Variants in SESTD1 observed in about 807,000 individuals in gnomAD.
SESTD1 encodes the protein SEC14 and spectrin domain containing 1.
In SESTD1, 43 loss-of-function variants were observed where a neutral mutation model predicts 101.7. That is an observed-to-expected ratio of 0.42 (90% confidence interval 0.33 to 0.55). The LOEUF is 0.55. Ranked by LOEUF, SESTD1 falls within the 20% of genes least tolerant of loss-of-function variation. The pLI, the probability that SESTD1 is intolerant of heterozygous loss-of-function variation, is 0.07. For synonymous variants in SESTD1, 283 were observed against 286.8 expected, an observed-to-expected ratio of 0.99 and a Z score of 0.13; for missense variants, 647 against 815.1, an observed-to-expected ratio of 0.79 and a Z score of 2.51.
chr2:179,136,185 A>ATCTT (rs1376631524), intron 9 of SESTD1, among the ~76,000 whole-genome samples: 6 of 152,322 alleles, frequency 3.9e-5, no homozygotes, highest in South Asian at 4.1e-4. Flanking sequence ...TTGGTTTCTC[A>ATCTT]TCTTTTAAAT....
chr2:179,143,132 A>C (rs1001352998), intron 9 of SESTD1, among the ~76,000 whole-genome samples: 2 of 152,140 alleles, frequency 1.3e-5, no homozygotes, highest in Non-Finnish European at 2.9e-5. Context: ...AATTCCTAAT[A>C]ACTAAATACA....
At chr2:179,247,923 T>C (rs1380186840) in intron 1 of SESTD1, among the ~76,000 whole-genome samples, 1 of 151,942 alleles carries the variant, frequency 6.6e-6, no homozygotes, top group East Asian at 1.9e-4. Flanking sequence ...TCCAAATATA[T>C]GGAACATAGC....
chr2:179,205,147 G>A lies in SESTD1; in HGVS notation c.-25-13281C>T, dbSNP rs1258404320. ...TCAGTGGAGAAAGTTGGTAGAAGCA[G>A]CAAAACTAAAATTGAGAGTTTAGTA... On this transcript the variant is annotated intron_variant, in intron 1 of 17. Transcript: ENST00000428443. Among the ~76,000 whole-genome samples, 4 of 131,896 alleles carry A rather than the reference G, an allele frequency of 3.0e-5. 1 individual carries two copies. Among genetic ancestry groups the A allele is most frequent in the African/African-American group, 6.0e-5 (2 of 33,148 alleles). 86.5% of individuals were successfully genotyped at this position (131,896 alleles called of 152,430 possible). A position where few individuals can be genotyped will look rare whatever the true frequency, so the allele number is the denominator to read the frequency against.
chr2:179,139,973 T>C (rs959356304), intron 9 of SESTD1, among the ~76,000 whole-genome samples: 2 of 152,196 alleles, frequency 1.3e-5, no homozygotes, highest in African/African-American at 4.8e-5. Context: ...CATGGTCCTA[T>C]GGTAATCCTA....
rs533800361 is a variant in SESTD1, at chr2:179,236,664, C to T, written c.-26+27835G>A. Among the ~76,000 whole-genome samples the T allele has an allele frequency of 2.2e-3, 338 of 150,532 alleles. 3 individuals are homozygous for T. Among genetic ancestry groups the T allele is most frequent in the African/African-American group, 7.6e-3 (311 of 41,100 alleles). On this transcript the variant is annotated intron_variant, in intron 1 of 17. Transcript: ENST00000428443. ...AAATATTTAAATAGGGGAGATGACC[C>T]GTGCTCTTACTTGTAATTTAATATG...
chr2:179,153,510 TCA>T (rs2045568988), intron 5 of SESTD1, among the ~76,000 whole-genome samples: 1 of 152,170 alleles, frequency 6.6e-6, no homozygotes, highest in Non-Finnish European at 1.5e-5. Flanking sequence ...GCTCTCTCTC[TCA>T]CACACACTTA....
intron 1 of SESTD1, among the ~76,000 whole-genome samples, chr2:179,197,895 C>T (rs1206923463): frequency 2.0e-5 from 3 of 151,830 alleles, no homozygotes; most frequent in Non-Finnish European, 4.4e-5. Context: ...GAAAAAACTG[C>T]ATCAACTAAC....
intron 1 of SESTD1, among the ~76,000 whole-genome samples, chr2:179,262,925 G>C (rs1435430812): frequency 1.3e-5 from 2 of 152,142 alleles, no homozygotes; most frequent in Non-Finnish European, 2.9e-5. Flanking sequence ...CAGATTCCTA[G>C]TCCATCACTA....
chr2:179,154,699 T>A lies in SESTD1; in HGVS notation c.370-3308A>T, dbSNP rs949560942. ...ATACTTTCAGAAATATGCAGACTACTGGAAACTCTATAGGACAAACAATTT... is the reference window on the plus strand; with the variant it reads ...ATACTTTCAGAAATATGCAGACTACAGGAAACTCTATAGGACAAACAATTT... On this transcript the variant is annotated intron_variant, in intron 5 of 17. Transcript: ENST00000428443. Among the ~76,000 whole-genome samples the A allele has an allele frequency of 4.6e-5, 7 of 152,280 alleles. No individual in the cohort carries two copies. The East Asian group carries it at 1.3e-3, about 29-fold the overall frequency.
chr2:179,241,890 C>A (rs1211177523), intron 1 of SESTD1, among the ~76,000 whole-genome samples: 1 of 149,978 alleles, frequency 6.7e-6, no homozygotes, highest in Non-Finnish European at 1.5e-5. Context: ...CCATTGCACT[C>A]CAGCCTGGGT....
At chr2:179,195,413 G>A (rs1022363409) in intron 1 of SESTD1, among the ~76,000 whole-genome samples, 4 of 152,142 alleles carry the variant, frequency 2.6e-5, no homozygotes, top group African/African-American at 4.8e-5. Context: ...GTTTCCTGAG[G>A]TCTCCCCAGC....
chr2:179,109,739 G>T lies in SESTD1; in HGVS notation c.*160C>A. ...GAAGCATGTTAAGTAATTATGCCTT[G>T]GTAGTAGCAAGGTGTTAACATGTAA... On this transcript the variant is annotated 3_prime_UTR_variant, in exon 18 of 18. Transcript: ENST00000428443. 1 of 792,070 alleles carries T rather than the reference G, an allele frequency of 1.3e-6. No individual in the cohort carries two copies. The highest frequency in any genetic ancestry group is 1.9e-6 in the Non-Finnish European group (1 of 515,422). The allele number at this position is 792,070 out of a possible 1,614,324, so 49.1% of individuals were successfully genotyped here. A position where few individuals can be genotyped will look rare whatever the true frequency, so the allele number is the denominator to read the frequency against.
intron 4 of SESTD1, among the ~76,000 whole-genome samples, chr2:179,175,568 A>T (rs2045997399): frequency 6.6e-6 from 1 of 152,066 alleles, no homozygotes; most frequent in Non-Finnish European, 1.5e-5. Context: ...CTTCATTATG[A>T]GCTATATGTA....
At chr2:179,240,039 C>T (rs10209887) in intron 1 of SESTD1, among the ~76,000 whole-genome samples, 43,924 of 152,052 alleles carry the variant, frequency 0.29, 6,711 homozygotes, top group South Asian at 0.43. Context: ...GGTGATGAGA[C>T]ACATGGCCTT....
intron 10 of SESTD1, among the ~76,000 whole-genome samples, chr2:179,130,297 A>G (rs1049792962): frequency 6.6e-6 from 1 of 152,148 alleles, no homozygotes; most frequent in Non-Finnish European, 1.5e-5. Flanking sequence ...TTCATCTATA[A>G]AGTAAGATGA....
intron 1 of SESTD1, among the ~76,000 whole-genome samples, chr2:179,225,337 C>T (rs2046870053): frequency 6.6e-6 from 1 of 151,992 alleles, no homozygotes; most frequent in Admixed American, 6.6e-5. Flanking sequence ...AATTCTCATG[C>T]TCGTGGTAAT....
At chr2:179,156,453 A>G (rs1177905507) in intron 5 of SESTD1, among the ~76,000 whole-genome samples, 1 of 152,222 alleles carries the variant, frequency 6.6e-6, no homozygotes, top group Non-Finnish European at 1.5e-5. Flanking sequence ...TCCCACCAGC[A>G]GTACGGAAGT....
chr2:179,136,696 ACAT>A (rs1405339473), intron 9 of SESTD1, among the ~76,000 whole-genome samples: 2 of 152,224 alleles, frequency 1.3e-5, no homozygotes, highest in East Asian at 1.9e-4. Flanking sequence ...GAAACTTAAG[ACAT>A]CATTAAACAT....
intron 3 of SESTD1, among the ~76,000 whole-genome samples, chr2:179,181,208 G>C (rs1408993895): frequency 1.8e-4 from 27 of 152,136 alleles, no homozygotes; most frequent in Non-Finnish European, 2.6e-4. Flanking sequence ...CCACGCCAGA[G>C]TGAACATGAG....
Sources: allele counts gnomAD v4.1 joint callset (sites outside exome capture counted in the v4.1 genomes callset), GRCh38; gene constraint gnomAD v4.1.1; transcripts MANE v1.5; gene names NCBI Gene and HGNC (gene_info 2026-07-23, HGNC 2026-07-21).